Variants in CDH13 observed in about 807,000 individuals in gnomAD.
CDH13 encodes cadherin 13.
In CDH13, 24 loss-of-function variants were observed where a neutral mutation model predicts 63.8. The observed-to-expected ratio is 0.38, with a 90% CI of 0.27 to 0.53. The LOEUF (loss-of-function observed/expected upper bound fraction) is 0.53. Ranked by LOEUF, CDH13 falls within the 20% of genes least tolerant of loss-of-function variation. The pLI, the probability that CDH13 is intolerant of heterozygous loss-of-function variation, is 0.85. For missense variants in CDH13, 1,049 were observed against 903.1 expected (o/e 1.16, Z -2.07); for synonymous variants, 503 against 355.3 (o/e 1.42, Z -4.67).
intron 2 of CDH13, among the ~76,000 whole-genome samples, chr16:82,972,733 A>G (rs1312059470): frequency 1.3e-5 from 2 of 152,208 alleles, no homozygotes; most frequent in Non-Finnish European, 1.5e-5. Flanking sequence ...CCATTTGGGT[A>G]TGATAACTGA....
intron 2 of CDH13, among the ~76,000 whole-genome samples, chr16:82,881,775 A>AG (rs1311666330): frequency 1.1e-4 from 17 of 152,100 alleles, no homozygotes; most frequent in African/African-American, 4.1e-4. Context: ...AGTGGTGAGG[A>AG]GGAGGGGGCT....
chr16:83,381,302 C>G (rs906652078), intron 6 of CDH13, among the ~76,000 whole-genome samples: 24 of 152,030 alleles, frequency 1.6e-4, no homozygotes, highest in Non-Finnish European at 2.6e-4. Flanking sequence ...TCCCAGAAAT[C>G]GTGGACTCCC....
chr16:83,276,165 G>C (rs1191223657), intron 5 of CDH13, among the ~76,000 whole-genome samples: 1 of 152,042 alleles, frequency 6.6e-6, no homozygotes, highest in African/African-American at 2.4e-5. Context: ...CCTTTCAAGG[G>C]ACAGCCCAAT....
intron 8 of CDH13, among the ~76,000 whole-genome samples, chr16:83,622,354 C>T (rs977723506): frequency 2.0e-5 from 3 of 152,226 alleles, no homozygotes; most frequent in Admixed American, 2.0e-4. Flanking sequence ...CACACTCTTC[C>T]GGCCCCATGG....
At chr16:83,208,631 A>G (rs891384161) in intron 4 of CDH13, among the ~76,000 whole-genome samples, 4 of 152,232 alleles carry the variant, frequency 2.6e-5, no homozygotes, top group African/African-American at 9.6e-5. Context: ...AGGTGAAGGA[A>G]AAAGTATTAC....
chr16:83,244,110 C>A (rs549202376), intron 5 of CDH13, among the ~76,000 whole-genome samples: 93 of 151,870 alleles, frequency 6.1e-4, no homozygotes, highest in African/African-American at 2.0e-3. Context: ...GTGCAGTGAC[C>A]CCTCTTTTTT....
At chr16:83,230,453 C>G (rs2039970495) in intron 5 of CDH13, among the ~76,000 whole-genome samples, 1 of 152,158 alleles carries the variant, frequency 6.6e-6, no homozygotes, top group Non-Finnish European at 1.5e-5. Flanking sequence ...CCCCCGCAAG[C>G]CTCTTGACTC....
chr16:83,540,932 T>C (rs2075286149), intron 7 of CDH13, among the ~76,000 whole-genome samples: 1 of 152,190 alleles, frequency 6.6e-6, no homozygotes, highest in South Asian at 2.1e-4. Flanking sequence ...ACCTGGCCTA[T>C]TGTCAATAAA....
intron 4 of CDH13, among the ~76,000 whole-genome samples, chr16:83,200,065 C>A (rs1052419551): frequency 6.6e-6 from 1 of 152,172 alleles, no homozygotes; most frequent in African/African-American, 2.4e-5. Flanking sequence ...GACAGCGCCT[C>A]ATTCCTTACC....
In CDH13 at chr16:82,688,320, G is replaced by A. The variant is rs921235825; in HGVS notation, c.45+61183G>A. ...TCTAAGCCCCTAAATACACAAAAGC[G>A]CTAAGGCAAACCATATGCCTTAGGC... On this transcript the variant is annotated intron_variant, in intron 1 of 13. Transcript: ENST00000567109. Among the ~76,000 whole-genome samples the A allele has an allele frequency of 4.6e-5, 7 of 152,158 alleles. No homozygotes were observed. The East Asian group carries it at 7.7e-4, about 17-fold the overall frequency.
chr16:82,709,644 A>T (rs1217755687), intron 1 of CDH13, among the ~76,000 whole-genome samples: 1 of 152,214 alleles, frequency 6.6e-6, no homozygotes, highest in East Asian at 1.9e-4. Context: ...CGACATAGCA[A>T]GTGTTGGCTG....
At chr16:83,706,194 G>A (rs1030404137) in intron 10 of CDH13, among the ~76,000 whole-genome samples, 1 of 152,262 alleles carries the variant, frequency 6.6e-6, no homozygotes, top group African/African-American at 2.4e-5. Context: ...TCTACTTGTG[G>A]CCTCTCCACG....
intron 5 of CDH13, among the ~76,000 whole-genome samples, chr16:83,276,440 A>G (rs958304514): frequency 1.3e-5 from 2 of 152,176 alleles, no homozygotes; most frequent in African/African-American, 2.4e-5. Context: ...TTTGAGTTGC[A>G]GAATGTATGA....
intron 1 of CDH13, among the ~76,000 whole-genome samples, chr16:82,636,134 G>A (rs762417840): frequency 2.3e-4 from 35 of 152,296 alleles, no homozygotes; most frequent in Non-Finnish European, 3.7e-4. Context: ...TGGATAACTT[G>A]ACAGGCTTTG....
At chr16:83,453,755 TATCTCCACCATG>T (rs2072946292) in intron 6 of CDH13, among the ~76,000 whole-genome samples, 1 of 430 alleles carries the variant, frequency 2.3e-3, no homozygotes, top group South Asian at 0.25. Flanking sequence ...ATCCACCATG[TATCTCCACCATG>T]TATCTGTGAG....
chr16:83,135,171 C>G (rs8056019), intron 4 of CDH13, among the ~76,000 whole-genome samples: 3 of 151,930 alleles, frequency 2.0e-5, no homozygotes, highest in Non-Finnish European at 2.9e-5. Flanking sequence ...TACAACAGCC[C>G]TATAAAGTAG....
At chr16:82,921,186 A>G (rs1212563221) in intron 2 of CDH13, among the ~76,000 whole-genome samples, 1 of 152,162 alleles carries the variant, frequency 6.6e-6, no homozygotes, top group Non-Finnish European at 1.5e-5. Flanking sequence ...TTAAAACAAG[A>G]AATTTATTTT....
intron 5 of CDH13, among the ~76,000 whole-genome samples, chr16:83,264,036 A>T (rs1907300973): frequency 6.6e-6 from 1 of 152,242 alleles, no homozygotes; most frequent in Non-Finnish European, 1.5e-5. Context: ...GTGGCTCTAC[A>T]TCCAATTTCC....
At chr16:82,976,302 C>G (rs1005898893) in intron 2 of CDH13, among the ~76,000 whole-genome samples, 1 of 152,070 alleles carries the variant, frequency 6.6e-6, no homozygotes, top group Non-Finnish European at 1.5e-5. Flanking sequence ...TTTGACGTGC[C>G]CAGGTGGGGG....
Sources: allele counts gnomAD v4.1 joint callset (sites outside exome capture counted in the v4.1 genomes callset), GRCh38; gene constraint gnomAD v4.1.1; transcripts MANE v1.5; gene names NCBI Gene and HGNC (gene_info 2026-07-23, HGNC 2026-07-21).